The following MORN1 variants were observed in gnomAD, a reference collection of about 807,000 sequenced individuals.
MORN1 encodes the protein MORN repeat-containing protein 1.
Under a neutral mutation model 61.9 loss-of-function variants are expected in MORN1, and 67 were observed. The observed-to-expected ratio is 1.08, with a 90% confidence interval of 0.89 to 1.33. MORN1 has a LOEUF of 1.33. Ranked by LOEUF, MORN1 falls within the 40% of genes most tolerant of loss-of-function variation. The probability of loss-of-function intolerance (pLI) is 0.00; values close to 1 mark genes in which losing one functional copy is unlikely to be tolerated. For synonymous variants in MORN1, 301 were observed against 292.0 expected, an observed-to-expected ratio of 1.03 and a Z score of -0.31; for missense variants, 752 against 691.2, an observed-to-expected ratio of 1.09 and a Z score of -0.99.
At chr1:2,370,671 CTTCTT>C (rs1037995339) in intron 8 of MORN1, among the ~76,000 whole-genome samples, 4 of 118,584 alleles carry the variant, frequency 3.4e-5, no homozygotes, top group Admixed American at 2.7e-4. Context: ...ATTTTTTTTT[CTTCTT>C]TTTTTTTTTT....
At chr1:2,368,184 G>A (rs1183460760) in intron 8 of MORN1, among the ~76,000 whole-genome samples, 1 of 152,182 alleles carries the variant, frequency 6.6e-6, no homozygotes, top group Non-Finnish European at 1.5e-5. Context: ...GAACTCTTAC[G>A]ACATCTTGAT....
chr1:2,350,323 A>G (rs1386947945), intron 10 of MORN1: 1 of 152,230 alleles, frequency 6.6e-6, no homozygotes, highest in African/African-American at 2.4e-5. Flanking sequence ...AAACAACTAA[A>G]CAACTGAAAT....
chr1:2,355,210 A>C (rs573301561), intron 10 of MORN1: 2 of 1,313,066 alleles, frequency 1.5e-6, no homozygotes, highest in East Asian at 3.0e-5. Context: ...TATGAGAGCT[A>C]TTCCACCTAT....
At chr1:2,355,537 C>T (rs1641745074) in intron 10 of MORN1, 5 of 1,520,950 alleles carry the variant, frequency 3.3e-6, no homozygotes. Flanking sequence ...TTTCTGGGGG[C>T]AGGGGCACGG....
chr1:2,322,589 C>T, intron 13 of MORN1: 1 of 985,150 alleles, frequency 1.0e-6, no homozygotes, highest in Non-Finnish European at 1.2e-6. Flanking sequence ...GGGGCCTCGC[C>T]AGGGGGACAC....
In MORN1 at chr1:2,388,238, C is replaced by A. The variant is rs767010496; in HGVS notation, c.247+1G>T. The A allele has an allele frequency of 6.2e-7, 1 of 1,613,246 alleles. No individual in the cohort carries two copies. Among genetic ancestry groups the A allele is most frequent in the Admixed American group, 1.7e-5 (1 of 60,018 alleles). On this transcript the variant is annotated splice_donor_variant, in intron 3 of 13. Coordinates refer to ENST00000378531, the MANE Select transcript of MORN1 (RefSeq NM_024848.3). LOFTEE classifies it high-confidence loss of function. ...AATGTGCCATCCCAGCTAGAGCTCA[C>A]CTGACCAGGCCCAGTGCCGGCGGCC...
At chr1:2,360,170 A>T (rs1220399736) in intron 8 of MORN1, among the ~76,000 whole-genome samples, 1 of 152,226 alleles carries the variant, frequency 6.6e-6, no homozygotes, top group Non-Finnish European at 1.5e-5. Context: ...TCTGAGGTCA[A>T]GGTCCTATGG....
At chr1:2,331,489 C>T (rs1348404915) in intron 12 of MORN1, among the ~76,000 whole-genome samples, 1 of 152,200 alleles carries the variant, frequency 6.6e-6, no homozygotes, top group African/African-American at 2.4e-5. Context: ...GCCCTCGCAG[C>T]AGGACCCTCC....
In MORN1 at chr1:2,334,130, C is replaced by G. The variant is rs1194693154; in HGVS notation, c.1250+2339G>C. On this transcript the variant is annotated intron_variant, in intron 12 of 13. Transcript: ENST00000378531. The surrounding 1 kb of genome is among the most constrained non-coding windows in gnomAD (Gnocchi z 5.4). ...TAAGAGGGGGCCATCACACAAACAC[C>G]CAGATGGGTTGTGGGGGGTTTTGGC... Among the ~76,000 whole-genome samples the G allele has an allele frequency of 6.6e-6, 1 of 151,936 alleles. No homozygotes were observed. The highest frequency in any genetic ancestry group is 6.6e-5 in the Admixed American group (1 of 15,256).
intron 10 of MORN1, among the ~76,000 whole-genome samples, chr1:2,348,870 C>G (rs1025716724): frequency 6.7e-6 from 1 of 148,972 alleles, no homozygotes; most frequent in African/African-American, 2.5e-5. Context: ...CATGTGCACG[C>G]ACACACAGCC....
intron 10 of MORN1, among the ~76,000 whole-genome samples, chr1:2,341,706 A>AG (rs1641399449): frequency 6.6e-6 from 1 of 151,460 alleles, no homozygotes; most frequent in African/African-American, 2.4e-5. Flanking sequence ...AAAAAAAAAA[A>AG]AAAAGAAAAA....
chr1:2,346,941 T>G (rs1463157558), intron 10 of MORN1, among the ~76,000 whole-genome samples: 1 of 152,126 alleles, frequency 6.6e-6, no homozygotes, highest in Non-Finnish European at 1.5e-5. Context: ...AAGGCCACCG[T>G]CCCGCTGGCC....
In MORN1 at chr1:2,379,178, G is replaced by A. The variant is rs544533637; in HGVS notation, c.538-4621C>T. On this transcript the variant is annotated intron_variant, in intron 6 of 13. Transcript: ENST00000378531. ...ACCCTGAGCTCATGGTGCCTGGGTA[G>A]CAGCCGATGTCTCCTTGAGTTTCTC... The A allele has an allele frequency of 1.7e-5, 8 of 470,908 alleles. No homozygotes were observed. The East Asian group carries it at 5.6e-4, about 33-fold the overall frequency. 29.2% of individuals were successfully genotyped at this position (470,908 alleles called of 1,614,324 possible).
chr1:2,325,638 GTTGA>G, intron 12 of MORN1, among the ~76,000 whole-genome samples: 1 of 116,004 alleles, frequency 8.6e-6, no homozygotes, highest in Non-Finnish European at 1.7e-5. Flanking sequence ...CCTGGCCTTT[GTTGA>G]TTTTTTTTTT....
At chr1:2,346,890 G>C (rs1641530714) in intron 10 of MORN1, among the ~76,000 whole-genome samples, 1 of 152,176 alleles carries the variant, frequency 6.6e-6, no homozygotes, top group Non-Finnish European at 1.5e-5. Flanking sequence ...GTGGGGCCCA[G>C]CTCTCCCTGC....
At chr1:2,346,725 T>C (rs1429486433) in intron 10 of MORN1, among the ~76,000 whole-genome samples, 1 of 152,172 alleles carries the variant, frequency 6.6e-6, no homozygotes, top group Admixed American at 6.5e-5. Flanking sequence ...AAGCACCCCC[T>C]TCTCCTTCCC....
At chr1:2,367,774 C>T (rs1642028545) in intron 8 of MORN1, among the ~76,000 whole-genome samples, 1 of 151,994 alleles carries the variant, frequency 6.6e-6, no homozygotes, top group Admixed American at 6.6e-5. Context: ...ACTACAGGCA[C>T]CCGCCACTAT....
rs1359851023 is a variant in MORN1, at chr1:2,357,360, A to G, written c.1036+72T>C. 1.9e-4 allele frequency: 288 copies of G among 1,502,754 alleles called. 1 individual carries two copies. Among genetic ancestry groups the G allele is most frequent in the Non-Finnish European group, 1.8e-5 (20 of 1,114,648 alleles). The allele number at this position is 1,502,754 out of a possible 1,614,324, so 93.1% of individuals were successfully genotyped here. Reference sequence around the variant, plus strand: ...TGCTCTGGCCTGGTTCTGGGTCCCCATGACCCCACCCCCACCTTGACTGCT... The same window carrying G: ...TGCTCTGGCCTGGTTCTGGGTCCCCGTGACCCCACCCCCACCTTGACTGCT... On this transcript the variant is annotated intron_variant, in intron 10 of 13. Transcript: ENST00000378531. This position sits in a 1 kb window ranked among gnomAD's most constrained non-coding sequence, Gnocchi z 6.3.
chr1:2,357,529 C>G lies in MORN1; in HGVS notation c.939G>C (p.Lys313Asn). The G allele has an allele frequency of 6.2e-7, 1 of 1,612,744 alleles. No homozygotes were observed. Among genetic ancestry groups the G allele is most frequent in the Non-Finnish European group, 8.5e-7 (1 of 1,179,636 alleles). The change falls in exon 10 of 14, where the codon AAG becomes AAC. Residue 313 changes from lysine to asparagine, a missense_variant. By Grantham distance (94) the Lys-to-Asn change is moderately conservative. Coordinates refer to ENST00000378531, the MANE Select transcript of MORN1 (RefSeq NM_024848.3). The surrounding 1 kb of genome is among the most constrained non-coding windows in gnomAD (Gnocchi z 6.3). The stretch of plus-strand genomic sequence containing the variant: ...GGGGCACGTCGGCTTCTGCCCCTCC[C>G]TTGGCAGCTCTGGGCCCCGGCACCC... ...AAGVPGPRAA[K>N]GGAEADVPLP...
Sources: allele counts gnomAD v4.1 joint callset (sites outside exome capture counted in the v4.1 genomes callset), GRCh38; gene constraint gnomAD v4.1.1; non-coding constraint Gnocchi (gnomAD v3.1); transcripts MANE v1.5; gene names NCBI Gene and HGNC (gene_info 2026-07-23, HGNC 2026-07-21).